BRCA2: variants seen among roughly 807,000 people sequenced by gnomAD.
The protein encoded by BRCA2 is BRCA2 DNA repair associated, also known as breast cancer type 2 susceptibility protein.
Under a neutral mutation model 276.7 loss-of-function variants are expected in BRCA2, and 203 were observed. The ratio of observed to expected loss-of-function variants is 0.73; its 90% CI spans 0.65 to 0.82. BRCA2 has a LOEUF of 0.82. Among genes scored for constraint, BRCA2 ranks in the 40% least tolerant of loss-of-function variants. The probability of loss-of-function intolerance (pLI) is 0.00; values close to 1 mark genes in which losing one functional copy is unlikely to be tolerated. For missense variants in BRCA2, 3,920 were observed against 3,915.0 expected (o/e 1.00, Z -0.03); for synonymous variants, 1,289 against 1,338.4 (o/e 0.96, Z 0.81).
rs2072547356 is a variant in BRCA2, at chr13:32,340,493, A to G, written c.6138A>G (p.Ser2046=). The change falls in exon 11 of 27, where the codon TCA becomes TCG. Residue 2046 remains serine (S), a synonymous_variant. Coordinates refer to ENST00000380152, the MANE Select transcript of BRCA2 (RefSeq NM_000059.4). Reference sequence around the variant, plus strand: ...ATTTAATATCCCAAAAAGGCTTTTCATATAATGTGGTAAATTCATCTGCTT... The same window carrying G: ...ATTTAATATCCCAAAAAGGCTTTTCGTATAATGTGGTAAATTCATCTGCTT... ...PEHLISQKGF[S]YNVVNSSAFS... 6.2e-7 allele frequency: 1 copy of G among 1,613,764 alleles called. No homozygotes were observed. Among genetic ancestry groups the G allele is most frequent in the African/African-American group, 1.3e-5 (1 of 75,046 alleles).
In BRCA2 at chr13:32,369,205, TAA is replaced by T. The variant is rs68016733; in HGVS notation, c.8332-1195_8332-1194del. Among the ~76,000 whole-genome samples, 11,214 of 151,500 alleles carry T rather than the reference TAA, an allele frequency of 0.074. 546 individuals are homozygous for T. The highest frequency in any genetic ancestry group is 0.11 in the Non-Finnish European group (7,388 of 67,866). ...ATGTATGGTTCAGCCCTCCAGAAAA[TAA>T]AGTCTCCTGCATTTTTTTTTTTAAT... On this transcript the variant is annotated intron_variant, in intron 18 of 26. Coordinates refer to ENST00000380152, the MANE Select transcript of BRCA2 (RefSeq NM_000059.4).
chr13:32,320,087 G>A (rs1345079213), intron 3 of BRCA2, among the ~76,000 whole-genome samples: 1 of 152,204 alleles, frequency 6.6e-6, no homozygotes, highest in Non-Finnish European at 1.5e-5. Context: ...GGAAGAATAT[G>A]TAGTGTGTTC....
chr13:32,361,717 A>G (rs2072738532), intron 16 of BRCA2, among the ~76,000 whole-genome samples: 1 of 152,120 alleles, frequency 6.6e-6, no homozygotes, highest in Non-Finnish European at 1.5e-5. Context: ...GGCAAAGTGT[A>G]GGGATACAGA....
chr13:32,339,810 C>T lies in BRCA2; in HGVS notation c.5455C>T (p.Pro1819Ser), dbSNP rs80358768. ...TGAGGAACTTGTGACTAGCTCTTCA[C>T]CCTGCAAAAATAAAAATGCAGCCAT... The part of the protein sequence containing the change: ...CVEELVTSSS[P>S]CKNKNAAIKL... The change falls in exon 11 of 27, where the codon CCC (proline) becomes TCC (serine). Residue 1819 changes from proline to serine, a missense_variant. By Grantham distance (74) the Pro-to-Ser change is moderately conservative. Coordinates refer to ENST00000380152, the MANE Select transcript of BRCA2 (RefSeq NM_000059.4). The T allele has an allele frequency of 1.2e-4, 186 of 1,613,682 alleles. No homozygotes were observed. Among genetic ancestry groups the T allele is most frequent in the Non-Finnish European group, 1.1e-4 (131 of 1,179,770 alleles).
At chr13:32,375,047 G>A (rs1045812812) in intron 20 of BRCA2, among the ~76,000 whole-genome samples, 5 of 152,220 alleles carry the variant, frequency 3.3e-5, no homozygotes, top group African/African-American at 1.2e-4. Flanking sequence ...CAAGGTGGCA[G>A]GAAAGAGAGT....
intron 10 of BRCA2, among the ~76,000 whole-genome samples, chr13:32,335,258 T>A (rs2072439348): frequency 6.7e-6 from 1 of 148,542 alleles, no homozygotes; most frequent in Non-Finnish European, 1.5e-5. Flanking sequence ...GGCAGGAGAA[T>A]CACTTGAACC....
Position 32,363,257 on chromosome 13 carries a change from A to G in BRCA2, c.8055A>G (p.Thr2685=), listed in dbSNP as rs876660133. 6.2e-7 allele frequency: 1 copy of G among 1,614,146 alleles called. No homozygotes were observed. The highest frequency in any genetic ancestry group is 8.5e-7 in the Non-Finnish European group (1 of 1,180,006). Reference sequence around the variant, plus strand: ...AAAGGGATGACACAGCTGCAAAAACACTTGTTCTCTGTGTTTCTGACATAA... The same window carrying G: ...AAAGGGATGACACAGCTGCAAAAACGCTTGTTCTCTGTGTTTCTGACATAA... ...IMERDDTAAK[T]LVLCVSDIIS... is the part of the protein sequence containing the mutation. The change falls in exon 18 of 27, where the codon ACA becomes ACG. Residue 2685 remains threonine, a synonymous_variant. Transcript: ENST00000380152.
rs764208320 is a variant in BRCA2 at position 32,398,276 on chromosome 13, G to C, written c.9763G>C (p.Gly3255Arg). The change falls in exon 27 of 27, where the codon GGG (glycine) becomes CGG (arginine). Residue 3255 changes from glycine to arginine, a missense_variant. Physicochemically the swap from Gly to Arg is moderately radical, Grantham distance 125. Transcript: ENST00000380152. Reference protein sequence around the residue: ...SAQMTSKSCKGEKEIDDQKNC... With the variant: ...SAQMTSKSCKREKEIDDQKNC... ...CCAGATGACTTCAAAGTCTTGTAAA[G>C]GGGAGAAAGAGATTGATGACCAAAA... 6.2e-7 allele frequency: 1 copy of C among 1,614,148 alleles called. No individual in the cohort carries two copies. Among genetic ancestry groups the C allele is most frequent in the Non-Finnish European group, 8.5e-7 (1 of 1,180,032 alleles).
intron 3 of BRCA2, among the ~76,000 whole-genome samples, chr13:32,320,208 A>T (rs1191342707): frequency 6.6e-6 from 1 of 152,204 alleles, no homozygotes; most frequent in African/African-American, 2.4e-5. Context: ...AAGCTAAAGA[A>T]ATTGAATTTG....
chr13:32,375,919 A>G (rs1288558015), intron 20 of BRCA2, among the ~76,000 whole-genome samples: 1 of 152,222 alleles, frequency 6.6e-6, no homozygotes, highest in Non-Finnish European at 1.5e-5. Context: ...TCCATGGGCC[A>G]CAAAATGGAT....
chr13:32,354,964 T>C lies in BRCA2; in HGVS notation c.7111T>C (p.Ser2371Pro), dbSNP rs374388885. Residue 2371 changes from serine (S) to proline (P), a missense_variant, in exon 14 of 27, where the codon TCT (serine) becomes CCT (proline). Ser to Pro is a moderately conservative substitution (Grantham distance 74). Coordinates refer to ENST00000380152, the MANE Select transcript of BRCA2 (RefSeq NM_000059.4). ...GTATGAACATCTGACTTTGGAAAAA[T>C]CTTCAAGCAATTTAGCAGTTTCAGG... ...HLYEHLTLEK[S>P]SSNLAVSGHP... 1 of 1,613,486 alleles carries C rather than the reference T, an allele frequency of 6.2e-7. No homozygotes were observed. Among genetic ancestry groups the C allele is most frequent in the African/African-American group, 1.3e-5 (1 of 74,866 alleles).
In BRCA2 at chr13:32,398,546, G is replaced by T. The variant is rs546597661; in HGVS notation, c.10033G>T (p.Ala3345Ser). The T allele has an allele frequency of 1.9e-6, 3 of 1,614,040 alleles. No homozygotes were observed. Among genetic ancestry groups the T allele is most frequent in the Admixed American group, 3.3e-5 (2 of 59,996 alleles). Reference protein sequence around the residue: ...ESNSIADEELALINTQALLSG... With the variant: ...ESNSIADEELSLINTQALLSG... ...TAATTCAATAGCTGACGAAGAACTT[G>T]CATTGATAAATACCCAAGCTCTTTT... The change falls in exon 27 of 27, where the codon GCA (alanine) becomes TCA (serine). Residue 3345 changes from alanine (A) to serine (S), a missense_variant. Ala to Ser is a moderately conservative substitution (Grantham distance 99). Coordinates refer to ENST00000380152, the MANE Select transcript of BRCA2 (RefSeq NM_000059.4).
In BRCA2 at chr13:32,340,839, AAAC is replaced by A. The variant is rs1593908871; in HGVS notation, c.6489_6491del (p.Gln2164del). On this transcript the variant is annotated inframe_deletion, in exon 11 of 27. Transcript: ENST00000380152. ...ATATCTCTCTCAATTTCAACAAGAC[AAAC>A]AACAGTTGGTATTAGGAACCAAAGT... 1 of 1,593,044 alleles carries A rather than the reference AAAC, an allele frequency of 6.3e-7. No individual in the cohort carries two copies. The highest frequency in any genetic ancestry group is 1.4e-5 in the African/African-American group (1 of 73,484).
In BRCA2 at chr13:32,337,998, G is replaced by A. The variant is rs1366773950; in HGVS notation, c.3643G>A (p.Gly1215Arg). 3 of 1,613,010 alleles carry A rather than the reference G, an allele frequency of 1.9e-6. No homozygotes were observed. The highest frequency in any genetic ancestry group is 2.5e-6 in the Non-Finnish European group (3 of 1,179,344). Residue 1215 changes from glycine (G) to arginine (R), a missense_variant, in exon 11 of 27, where the codon GGG becomes AGG. This residue lies in a region of BRCA2 where 3,263 missense variants were observed against 3,156.9 expected (regional missense o/e 1.03). Transcript: ENST00000380152. Reference sequence around the variant, plus strand: ...TTATTTAACAGATGAAAATGAAGTGGGGTTTAGGGGCTTTTATTCTGCTCA... The same window carrying A: ...TTATTTAACAGATGAAAATGAAGTGAGGTTTAGGGGCTTTTATTCTGCTCA... ...SGYLTDENEV[G>R]FRGFYSAHGT...
intron 10 of BRCA2, 92 bp from the exon 11 acceptor site, chr13:32,336,173 G>A (rs557728905): frequency 1.4e-6 from 2 of 1,393,524 alleles, no homozygotes. Context: ...GAGCCACTGT[G>A]CCCAAACACT....
intron 16 of BRCA2, among the ~76,000 whole-genome samples, chr13:32,359,782 G>A (rs906795560): frequency 2.0e-5 from 3 of 152,190 alleles, no homozygotes; most frequent in East Asian, 3.8e-4. Context: ...AAGAATGATT[G>A]CCCTGTAGTC....
chr13:32,376,592 G>T, intron 20 of BRCA2, 78 bp from the exon 21 acceptor site: 1 of 1,501,042 alleles, frequency 6.7e-7, no homozygotes, highest in Non-Finnish European at 9.2e-7. Flanking sequence ...TTCTTTGGGT[G>T]TTTTATGCTT....
In BRCA2 at chr13:32,355,023, T is replaced by G. The variant is rs1555286027; in HGVS notation, c.7170T>G (p.Asn2390Lys). ...TTTATCAAGTTTCTGCTACAAGAAA[T>G]GAAAAAATGAGACACTTGATTACTA... ...HPFYQVSATR[N>K]EKMRHLITTG... is the part of the protein sequence containing the mutation. Residue 2390 changes from asparagine to lysine, a missense_variant, in exon 14 of 27, where the codon AAT (asparagine) becomes AAG (lysine). Around this residue, in one of 2 missense-constraint regions of BRCA2, gnomAD observed 3,263 missense variants for 3,156.9 expected, o/e 1.03. Transcript: ENST00000380152. 6.2e-7 allele frequency: 1 copy of G among 1,613,794 alleles called. No individual in the cohort carries two copies. The highest frequency in any genetic ancestry group is 8.5e-7 in the Non-Finnish European group (1 of 1,179,896).
chr13:32,383,734 A>G (rs1566254931), intron 24 of BRCA2, among the ~76,000 whole-genome samples: 1 of 152,190 alleles, frequency 6.6e-6, no homozygotes, highest in Admixed American at 6.5e-5. Flanking sequence ...AGGAGATAAG[A>G]AAAGCTGATT....
Sources: gnomAD v4.1 joint callset for allele counts (sites outside exome capture counted in the v4.1 genomes callset) on GRCh38, gnomAD v4.1.1 for gene constraint, gnomAD v4.1.1 regional missense constraint, MANE v1.5 for transcripts, NCBI Gene and HGNC (gene_info 2026-07-23, HGNC 2026-07-21) for gene names.